Variants in GINS1 observed in about 807,000 individuals in gnomAD.
GINS1 encodes DNA replication complex GINS protein PSF1.
In GINS1, 26 loss-of-function variants were observed where a neutral mutation model predicts 34.9. The ratio of observed to expected loss-of-function variants is 0.74; its 90% CI spans 0.55 to 1.03. The LOEUF is 1.03. Among genes scored for constraint, GINS1 ranks in the 50% least tolerant of loss-of-function variants. The pLI is 0.00. For synonymous variants in GINS1, 97 were observed against 84.4 expected (o/e 1.15, Z -0.82); for missense variants, 235 against 237.9 (o/e 0.99, Z 0.08).
chr20:25,412,699 T>C (rs2090294071), intron 1 of GINS1, among the ~76,000 whole-genome samples: 2 of 152,260 alleles, frequency 1.3e-5, no homozygotes, highest in Admixed American at 1.3e-4. Context: ...TAATAGATTT[T>C]TGAATTTTGA....
At chr20:25,440,467 T>G (rs1319436381) in intron 5 of GINS1, among the ~76,000 whole-genome samples, 1 of 152,158 alleles carries the variant, frequency 6.6e-6, no homozygotes, top group African/African-American at 2.4e-5. Context: ...TGGAGTAGTC[T>G]TTTTACTTTT....
chr20:25,413,721 A>G (rs571968424), intron 1 of GINS1, 69 bp from the exon 2 acceptor site: 2 of 868,222 alleles, frequency 2.3e-6, no homozygotes, highest in African/African-American at 3.3e-5. Context: ...ACAGTTCAGT[A>G]TTGATAGCAT....
intron 5 of GINS1, among the ~76,000 whole-genome samples, chr20:25,425,800 T>A (rs2090387461): frequency 1.3e-5 from 2 of 152,364 alleles, no homozygotes; most frequent in Non-Finnish European, 2.9e-5. Flanking sequence ...GAGGTATTTT[T>A]GTTTCATTTT....
intron 1 of GINS1, chr20:25,408,936 A>G (rs1195441504): frequency 1.0e-6 from 1 of 983,264 alleles, no homozygotes; most frequent in African/African-American, 1.7e-5. Context: ...AAAAACAGAT[A>G]ATAGAATTCA....
At chr20:25,411,167 TAGG>T (rs2090282736) in intron 1 of GINS1, 2 of 152,012 alleles carry the variant, frequency 1.3e-5, no homozygotes, top group South Asian at 4.2e-4. Context: ...CCCAGCAACT[TAGG>T]AGGCTGAAGT....
At chr20:25,439,271 A>G (rs1170891676) in intron 5 of GINS1, among the ~76,000 whole-genome samples, 1 of 152,194 alleles carries the variant, frequency 6.6e-6, no homozygotes, top group African/African-American at 2.4e-5. Context: ...ATTTGCCACA[A>G]AATCACCTTA....
chr20:25,427,578 A>G (rs547929295), intron 5 of GINS1, among the ~76,000 whole-genome samples: 5 of 152,306 alleles, frequency 3.3e-5, no homozygotes, highest in Admixed American at 6.5e-5. Context: ...GCATCTTTTC[A>G]TATGCTTATT....
At chr20:25,416,539 T>C (rs1444964715) in intron 2 of GINS1, among the ~76,000 whole-genome samples, 1 of 152,216 alleles carries the variant, frequency 6.6e-6, no homozygotes, top group East Asian at 1.9e-4. Context: ...AAAAGTTACA[T>C]GTACTTTTTA....
intron 2 of GINS1, among the ~76,000 whole-genome samples, chr20:25,416,296 G>T (rs891035883): frequency 9.2e-5 from 14 of 152,218 alleles, no homozygotes; most frequent in Admixed American, 5.2e-4. Context: ...TATGCCATTC[G>T]CAAATTCATG....
At chr20:25,418,054 C>T (rs748612175) in intron 3 of GINS1, 51 bp from the exon 4 acceptor site, 31 of 979,512 alleles carry the variant, frequency 3.2e-5, no homozygotes, top group Non-Finnish European at 4.7e-5. Flanking sequence ...GAAGTCCACA[C>T]GTGATCCCCC....
chr20:25,428,069 C>T (rs2090402461), intron 5 of GINS1, among the ~76,000 whole-genome samples: 1 of 151,904 alleles, frequency 6.6e-6, no homozygotes, highest in Admixed American at 6.6e-5. Context: ...GATAGGGTTT[C>T]ATCATGTTGG....
At chr20:25,424,802 T>A (rs144329435) in intron 4 of GINS1, among the ~76,000 whole-genome samples, 1 of 152,236 alleles carries the variant, frequency 6.6e-6, no homozygotes, top group South Asian at 2.1e-4. Context: ...TAAATAATGT[T>A]CCATCATATG....
intron 5 of GINS1, among the ~76,000 whole-genome samples, chr20:25,441,478 C>T (rs1411955458): frequency 3.9e-5 from 6 of 152,124 alleles, no homozygotes; most frequent in South Asian, 2.1e-4. Flanking sequence ...TTGCTGTCAG[C>T]GCTGACATTT....
At position 25,445,840 on chromosome 20, in the gene GINS1, C is replaced by T; in HGVS notation, c.523-83C>T. On this transcript the variant is annotated intron_variant, in intron 6 of 6. Transcript: ENST00000262460. ...GGAGTTTGAAAACTAATCAGTGCTA[C>T]TTTTTAATGATACAAGAAATAATTT... is the stretch of plus-strand genomic sequence containing the variant. The T allele has an allele frequency of 2.2e-6, 2 of 912,196 alleles. 1 individual carries two copies. The highest frequency in any genetic ancestry group is 3.1e-5 in the South Asian group (2 of 65,060). The allele number at this position is 912,196 out of a possible 1,614,324, so 56.5% of individuals were successfully genotyped here.
chr20:25,414,308 G>T (rs529134670), intron 2 of GINS1, among the ~76,000 whole-genome samples: 2 of 151,238 alleles, frequency 1.3e-5, no homozygotes, highest in Non-Finnish European at 2.9e-5. Context: ...ATTAGCAAAA[G>T]TCTGAAGAAA....
rs139891544 is a variant in GINS1, at chr20:25,422,687, T to C, written c.331-2524T>C. On this transcript the variant is annotated intron_variant, in intron 4 of 6. Transcript: ENST00000262460. ...ATTTTTTGAACTTTATATAGATTCA[T>C]GCAGTATCCTTTAATGATTGATGAC... Among the ~76,000 whole-genome samples the C allele has an allele frequency of 1.4e-3, 207 of 152,348 alleles. 1 individual carries two copies. The highest frequency in any genetic ancestry group is 4.7e-3 in the African/African-American group (195 of 41,592).
In GINS1 at chr20:25,436,949, C is replaced by G. The variant is rs114801864; in HGVS notation, c.448-4753C>G. Among the ~76,000 whole-genome samples the G allele has an allele frequency of 3.9e-3, 597 of 152,282 alleles. 6 individuals are homozygous for G. Among genetic ancestry groups the G allele is most frequent in the African/African-American group, 0.014 (576 of 41,552 alleles). On this transcript the variant is annotated intron_variant, in intron 5 of 6. Transcript: ENST00000262460. ...TATAAATCAGATTCTCCCCTTTCCC[C>G]CAGGGTTTGCTGGTTTTGTTACTGT...
chr20:25,439,215 G>A (rs2090469600), intron 5 of GINS1, among the ~76,000 whole-genome samples: 1 of 152,152 alleles, frequency 6.6e-6, no homozygotes, highest in Non-Finnish European at 1.5e-5. Flanking sequence ...AGACAGCCAG[G>A]CACTTTGTGT....
chr20:25,409,092 A>C (rs2090266925), intron 1 of GINS1: 2 of 924,838 alleles, frequency 2.2e-6, no homozygotes, highest in African/African-American at 1.8e-5. Flanking sequence ...CATCCCAGCC[A>C]AAGGATGCTG....
Sources: allele counts gnomAD v4.1 joint callset (sites outside exome capture counted in the v4.1 genomes callset), GRCh38; gene constraint gnomAD v4.1.1; transcripts MANE v1.5; gene names NCBI Gene and HGNC (gene_info 2026-07-23, HGNC 2026-07-21).